Variants in CYP20A1 observed in about 807,000 individuals in gnomAD.
CYP20A1 encodes cytochrome P450 family 20 subfamily A member 1.
A neutral mutation model predicts 61.4 loss-of-function variants in CYP20A1; 61 were observed. That is an observed-to-expected ratio of 0.99 (90% CI 0.81 to 1.23). The LOEUF (loss-of-function observed/expected upper bound fraction) is 1.23. CYP20A1 is among the 50% of genes most tolerant of loss of function. The pLI is 0.00. For synonymous variants in CYP20A1, 193 were observed against 188.2 expected (o/e 1.03, Z -0.21); for missense variants, 530 against 542.4 (o/e 0.98, Z 0.23).
intron 11 of CYP20A1, among the ~76,000 whole-genome samples, chr2:203,295,104 C>T (rs1333333098): frequency 2.0e-5 from 3 of 151,562 alleles, no homozygotes. Context: ...AGGCACCCGC[C>T]ACTGTGCCCA....
intron 1 of CYP20A1, among the ~76,000 whole-genome samples, chr2:203,239,604 A>T (rs531558895): frequency 6.6e-6 from 1 of 152,134 alleles, no homozygotes; most frequent in South Asian, 2.1e-4. Flanking sequence ...CCATCTGTCC[A>T]TCGATCTATC....
chr2:203,278,079 C>T (rs754869500), intron 6 of CYP20A1, among the ~76,000 whole-genome samples: 4 of 152,014 alleles, frequency 2.6e-5, no homozygotes, highest in East Asian at 3.9e-4. Flanking sequence ...AGTTTGAGAC[C>T]GGCCTGGCCA....
chr2:203,239,088 T>C lies in CYP20A1; in HGVS notation c.26T>C (p.Val9Ala). 1 of 1,613,654 alleles carries C rather than the reference T, an allele frequency of 6.2e-7. No homozygotes were observed. Among genetic ancestry groups the C allele is most frequent in the Non-Finnish European group, 8.5e-7 (1 of 1,179,814 alleles). Reference protein sequence around the residue: MLDFAIFAVTFLLALVGAV... With the variant: MLDFAIFAATFLLALVGAV... ...ATGTTGGACTTCGCGATCTTCGCCGTTACCTTCTTGCTGGCGTTGGTGGGA... is the reference window on the plus strand; with the variant it reads ...ATGTTGGACTTCGCGATCTTCGCCGCTACCTTCTTGCTGGCGTTGGTGGGA... The change falls in exon 1 of 13, where the codon GTT becomes GCT. Residue 9 changes from valine (V) to alanine (A), a missense_variant. Val to Ala is a moderately conservative substitution (Grantham distance 64). Coordinates refer to ENST00000356079, the MANE Select transcript of CYP20A1 (RefSeq NM_177538.3).
At chr2:203,239,432 G>A (rs1440303042) in intron 1 of CYP20A1, among the ~76,000 whole-genome samples, 2 of 152,208 alleles carry the variant, frequency 1.3e-5, no homozygotes, top group African/African-American at 4.8e-5. Context: ...CAGGCACCCC[G>A]CGCCACTCTC....
chr2:203,295,754 T>G (rs2068765026), intron 11 of CYP20A1, among the ~76,000 whole-genome samples: 1 of 151,638 alleles, frequency 6.6e-6, no homozygotes, highest in Non-Finnish European at 1.5e-5. Context: ...ATCGAGACCA[T>G]CCTGGCCAAC....
chr2:203,285,924 C>G (rs193066871), intron 9 of CYP20A1, among the ~76,000 whole-genome samples, 192 bp downstream of exon 9: 1 of 152,146 alleles, frequency 6.6e-6, no homozygotes, highest in Non-Finnish European at 1.5e-5. Context: ...TTTAACTTAG[C>G]CTGTGAAATA....
At chr2:203,244,561 A>AT (rs76683602) in intron 1 of CYP20A1, among the ~76,000 whole-genome samples, 260 of 143,438 alleles carry the variant, frequency 1.8e-3, no homozygotes, top group African/African-American at 1.9e-3. Context: ...ATGGACCTTG[A>AT]TTTTTTTTTT....
At chr2:203,262,640 T>C (rs2067179314) in intron 4 of CYP20A1, among the ~76,000 whole-genome samples, 1 of 152,168 alleles carries the variant, frequency 6.6e-6, no homozygotes, top group Non-Finnish European at 1.5e-5. Context: ...GTCTATACAT[T>C]TCCCTCTATA....
At chr2:203,270,597 C>G (rs1461567068) in intron 5 of CYP20A1, among the ~76,000 whole-genome samples, 2 of 151,818 alleles carry the variant, frequency 1.3e-5, no homozygotes, top group African/African-American at 4.8e-5. Flanking sequence ...GATACTTTTT[C>G]AGTATCACAA....
chr2:203,279,016 G>A (rs2067937722), intron 7 of CYP20A1, among the ~76,000 whole-genome samples: 1 of 152,114 alleles, frequency 6.6e-6, no homozygotes, highest in Non-Finnish European at 1.5e-5. Flanking sequence ...CCCGGCTGGA[G>A]TGCAGTGGCA....
At chr2:203,290,106 A>C (rs1469284803) in intron 10 of CYP20A1, among the ~76,000 whole-genome samples, 1 of 151,822 alleles carries the variant, frequency 6.6e-6, no homozygotes, top group African/African-American at 2.4e-5. Flanking sequence ...ATGGCCAGCT[A>C]ATTTTTGTAT....
At position 203,297,530 on chromosome 2, in the gene CYP20A1, C is replaced by T. The variant is rs960642317; in HGVS notation, c.*622C>T. The T allele has an allele frequency of 6.6e-6, 1 of 150,946 alleles. No individual in the cohort carries two copies. Among genetic ancestry groups the T allele is most frequent in the African/African-American group, 2.5e-5 (1 of 40,806 alleles). 9.4% of individuals were successfully genotyped at this position (150,946 alleles called of 1,614,324 possible). A position where few individuals can be genotyped will look rare whatever the true frequency, so the allele number is the denominator to read the frequency against. On this transcript the variant is annotated 3_prime_UTR_variant, in exon 13 of 13. Transcript: ENST00000356079. Reference sequence around the variant, plus strand: ...GACCAGCCTGGCCAACATGATGAAACCCTGTCTCTACTAAAAATACAAAAA... The same window carrying T: ...GACCAGCCTGGCCAACATGATGAAATCCTGTCTCTACTAAAAATACAAAAA...
Position 203,289,880 on chromosome 2 carries a change from G to C in CYP20A1, c.1083+4G>C. 1 of 1,437,646 alleles carries C rather than the reference G, an allele frequency of 7.0e-7. No individual in the cohort carries two copies. Among genetic ancestry groups the C allele is most frequent in the East Asian group, 2.3e-5 (1 of 43,116 alleles). The allele number at this position is 1,437,646 out of a possible 1,614,324, so 89.1% of individuals were successfully genotyped here. Reference sequence around the variant, plus strand: ...CCGATTTATTATTCCTAGAGAGGTAGAAAACCTTTAATATGTTTAATTCAT... The same window carrying C: ...CCGATTTATTATTCCTAGAGAGGTACAAAACCTTTAATATGTTTAATTCAT... On this transcript the variant is annotated splice_donor_region_variant and intron_variant, in intron 10 of 12. Coordinates refer to ENST00000356079, the MANE Select transcript of CYP20A1 (RefSeq NM_177538.3).
chr2:203,286,118 G>A (rs2068256778), intron 9 of CYP20A1, among the ~76,000 whole-genome samples: 1 of 152,040 alleles, frequency 6.6e-6, no homozygotes, highest in South Asian at 2.1e-4. Flanking sequence ...GGCCAGCTTG[G>A]GCAACACGGA....
At chr2:203,272,020 C>CT (rs1291493162) in intron 5 of CYP20A1, among the ~76,000 whole-genome samples, 1 of 152,196 alleles carries the variant, frequency 6.6e-6, no homozygotes, top group Non-Finnish European at 1.5e-5. Flanking sequence ...CAGTGAGACT[C>CT]TGTCTCGGCG....
chr2:203,292,259 C>T lies in CYP20A1; in HGVS notation c.1084-3C>T, dbSNP rs199550511. On this transcript the variant is annotated splice_region_variant and splice_polypyrimidine_tract_variant and intron_variant, in intron 10 of 12. Coordinates refer to ENST00000356079, the MANE Select transcript of CYP20A1 (RefSeq NM_177538.3). ...TGACTAATTGGATTTTTTTTTTTCA[C>T]AGACCCTCGTCCTTTATGCCCTTGG... 65 of 1,595,076 alleles carry T rather than the reference C, an allele frequency of 4.1e-5. No homozygotes were observed. The highest frequency in any genetic ancestry group is 2.6e-6 in the Non-Finnish European group (3 of 1,170,388).
Position 203,239,031 on chromosome 2 carries a change from A to G in CYP20A1, c.-32A>G. On this transcript the variant is annotated 5_prime_UTR_variant, in exon 1 of 13. Coordinates refer to ENST00000356079, the MANE Select transcript of CYP20A1 (RefSeq NM_177538.3). ...TGAGGCGCTGCTGCTGGAGCGGCCGATCCGAGACGTGGCTCCCTGGGCGGC... is the reference window on the plus strand; with the variant it reads ...TGAGGCGCTGCTGCTGGAGCGGCCGGTCCGAGACGTGGCTCCCTGGGCGGC... 2 of 1,605,822 alleles carry G rather than the reference A, an allele frequency of 1.2e-6. No individual in the cohort carries two copies. Among genetic ancestry groups the G allele is most frequent in the Non-Finnish European group, 1.7e-6 (2 of 1,173,092 alleles).
chr2:203,289,856 C>T lies in CYP20A1; in HGVS notation c.1063C>T (p.Arg355Ter), dbSNP rs766534946. ...QLQDIEGKID[R>*]FIIPRETLVL... Reference sequence around the variant, plus strand: ...TCAAGATATTGAAGGAAAAATTGACCGATTTATTATTCCTAGAGAGGTAGA... The same window carrying T: ...TCAAGATATTGAAGGAAAAATTGACTGATTTATTATTCCTAGAGAGGTAGA... Residue 355 changes from arginine to a stop codon, truncating the protein, a stop_gained, in exon 10 of 13, where the codon CGA (arginine) becomes TGA (stop). Coordinates refer to ENST00000356079, the MANE Select transcript of CYP20A1 (RefSeq NM_177538.3). LOFTEE classifies it high-confidence loss of function. 4.4e-6 allele frequency: 7 copies of T among 1,575,142 alleles called. No individual in the cohort carries two copies. The highest frequency in any genetic ancestry group is 1.7e-5 in the Admixed American group (1 of 57,790).
rs1396389362 is a variant in CYP20A1 at position 203,246,965 on chromosome 2, A to G, written c.289+44A>G. On this transcript the variant is annotated intron_variant, in intron 3 of 12. Transcript: ENST00000356079. ...CTAATTACCTGATCCTTACCTTTTA[A>G]GAATGAATGTTTAGGCTGGGCACGG... 3 of 1,590,978 alleles carry G rather than the reference A, an allele frequency of 1.9e-6. No homozygotes were observed. The African/African-American group carries it at 4.1e-5, about 22-fold the overall frequency.
Sources: gnomAD v4.1 joint callset for allele counts (sites outside exome capture counted in the v4.1 genomes callset) on GRCh38, gnomAD v4.1.1 for gene constraint, MANE v1.5 for transcripts, NCBI Gene and HGNC (gene_info 2026-07-23, HGNC 2026-07-21) for gene names.